The following CAB39L variants were observed in gnomAD, a reference collection of about 807,000 sequenced individuals.
CAB39L encodes the protein calcium binding protein 39 like.
In CAB39L, 23 loss-of-function variants were observed where a neutral mutation model predicts 39.1. The ratio of observed to expected loss-of-function variants is 0.59; its 90% CI spans 0.42 to 0.83. The LOEUF (loss-of-function observed/expected upper bound fraction) is 0.83, where lower values mean the gene tolerates loss of function less well. Among genes scored for constraint, CAB39L ranks in the 40% least tolerant of loss-of-function variants. The pLI is 0.00. For synonymous variants in CAB39L, 126 were observed against 137.2 expected, an observed-to-expected ratio of 0.92 and a Z score of 0.57; for missense variants, 366 against 391.9, an observed-to-expected ratio of 0.93 and a Z score of 0.56.
chr13:49,367,734 T>C (rs1189459841), intron 5 of CAB39L, among the ~76,000 whole-genome samples: 1 of 152,116 alleles, frequency 6.6e-6, no homozygotes, highest in African/African-American at 2.4e-5. Context: ...CTGGGCAACA[T>C]GGTGAAACCC....
chr13:49,397,703 T>C (rs1025319438), intron 3 of CAB39L, among the ~76,000 whole-genome samples: 4 of 152,116 alleles, frequency 2.6e-5, no homozygotes, highest in African/African-American at 9.6e-5. Flanking sequence ...TTTTCCACCT[T>C]TATTAGCTAT....
intron 9 of CAB39L, 114 bp from the exon 10 acceptor site, chr13:49,332,204 A>G: frequency 7.7e-7 from 1 of 1,291,834 alleles, no homozygotes; most frequent in Non-Finnish European, 1.1e-6. Flanking sequence ...TGGTGTTGTG[A>G]AAAAAATTAG....
At chr13:49,325,245 T>A (rs915770538) in intron 10 of CAB39L, among the ~76,000 whole-genome samples, 1 of 152,230 alleles carries the variant, frequency 6.6e-6, no homozygotes, top group African/African-American at 2.4e-5. Context: ...TTGTTAAATA[T>A]GCAAAAGGGT....
At chr13:49,356,113 G>A (rs1271181769) in intron 6 of CAB39L, among the ~76,000 whole-genome samples, 1 of 152,148 alleles carries the variant, frequency 6.6e-6, no homozygotes, top group Non-Finnish European at 1.5e-5. Flanking sequence ...TTAAGTTTAA[G>A]GTTGATGGGA....
chr13:49,331,802 A>C (rs975251690), intron 10 of CAB39L, 145 bp downstream of exon 10: 3 of 719,452 alleles, frequency 4.2e-6, no homozygotes, highest in Non-Finnish European at 6.8e-6. Flanking sequence ...ATAACTCTGA[A>C]ATTTCATCTA....
At chr13:49,414,568 A>T (rs1957048838) in intron 3 of CAB39L, among the ~76,000 whole-genome samples, 1 of 152,240 alleles carries the variant, frequency 6.6e-6, no homozygotes, top group Non-Finnish European at 1.5e-5. Context: ...AAAATATTTT[A>T]AGTGCCATAT....
intron 3 of CAB39L, 102 bp downstream of exon 3, chr13:49,433,216 A>G (rs1957353997): frequency 1.3e-5 from 4 of 307,886 alleles, no homozygotes; most frequent in African/African-American, 4.4e-5. Flanking sequence ...TAAATACAAT[A>G]TTATATTTAT....
chr13:49,329,564 T>A (rs1266453920), intron 10 of CAB39L, among the ~76,000 whole-genome samples: 4,175 of 37,718 alleles, frequency 0.11, 514 homozygotes, highest in African/African-American at 0.25. Flanking sequence ...TATATATATA[T>A]ATATATATAT....
In CAB39L at chr13:49,332,110, C is replaced by T. The variant is rs1017885417; in HGVS notation, c.691-20G>A. ...TAGCAGCTAGAGGAAAACACAAAAC[C>T]AAAGCTGTAATCTCAGAGCCACCTG... On this transcript the variant is annotated intron_variant, in intron 9 of 10. Coordinates refer to ENST00000409308, the MANE Select transcript of CAB39L (RefSeq NM_001079670.3). 1.8e-5 allele frequency: 29 copies of T among 1,609,822 alleles called. No individual in the cohort carries two copies. The highest frequency in any genetic ancestry group is 2.2e-5 in the Non-Finnish European group (26 of 1,177,318).
chr13:49,349,569 T>C (rs1175190738), intron 7 of CAB39L, among the ~76,000 whole-genome samples: 2 of 151,608 alleles, frequency 1.3e-5, no homozygotes, highest in African/African-American at 4.8e-5. Context: ...ATTTTTTGAA[T>C]TCCTCTTCTC....
chr13:49,393,804 T>G (rs1437565469), intron 3 of CAB39L, among the ~76,000 whole-genome samples: 8 of 151,948 alleles, frequency 5.3e-5, no homozygotes, highest in Non-Finnish European at 2.9e-5. Context: ...AAAATTTTTT[T>G]GGTATCTAAA....
chr13:49,405,719 G>GAGGA (rs548947401), intron 3 of CAB39L, among the ~76,000 whole-genome samples: 1,116 of 95,024 alleles, frequency 0.012, 34 homozygotes, highest in African/African-American at 0.027. Flanking sequence ...GAAAGAGAGA[G>GAGGA]AGGAAGGAAG....
intron 3 of CAB39L, among the ~76,000 whole-genome samples, chr13:49,400,475 C>T (rs1177069526): frequency 6.9e-6 from 1 of 144,348 alleles, no homozygotes; most frequent in Non-Finnish European, 1.5e-5. Context: ...CACACACACA[C>T]ACATGGTTAT....
intron 3 of CAB39L, among the ~76,000 whole-genome samples, chr13:49,395,992 C>T (rs1302949676): frequency 2.0e-5 from 3 of 151,508 alleles, no homozygotes; most frequent in South Asian, 2.1e-4. Flanking sequence ...AGGCCAGGTG[C>T]GGTAGCTCAC....
chr13:49,320,174 G>T (rs1357710774), intron 10 of CAB39L, among the ~76,000 whole-genome samples: 1 of 152,178 alleles, frequency 6.6e-6, no homozygotes, highest in Non-Finnish European at 1.5e-5. Flanking sequence ...ACACACTGAT[G>T]ATAAGAAACA....
At chr13:49,386,956 T>C (rs1956378781) in intron 3 of CAB39L, among the ~76,000 whole-genome samples, 1 of 152,108 alleles carries the variant, frequency 6.6e-6, no homozygotes, top group Non-Finnish European at 1.5e-5. Flanking sequence ...ATACATCTAC[T>C]CCAATCACAT....
At chr13:49,419,959 AG>A (rs1333146125) in intron 3 of CAB39L, among the ~76,000 whole-genome samples, 2 of 152,254 alleles carry the variant, frequency 1.3e-5, no homozygotes, top group Non-Finnish European at 2.9e-5. Flanking sequence ...AACAGTAAAT[AG>A]GATTAATTAA....
At chr13:49,406,049 TA>T (rs1287991911) in intron 3 of CAB39L, among the ~76,000 whole-genome samples, 2 of 151,844 alleles carry the variant, frequency 1.3e-5, no homozygotes, top group Admixed American at 6.6e-5. Context: ...GGGATGAGTA[TA>T]AAAATATAGT....
At chr13:49,402,715 C>T (rs919285823) in intron 3 of CAB39L, among the ~76,000 whole-genome samples, 6 of 151,914 alleles carry the variant, frequency 3.9e-5, no homozygotes, top group African/African-American at 7.2e-5. Flanking sequence ...CAGTAAAAGT[C>T]GGCCTTAAAA....
Sources: gnomAD v4.1 joint callset for allele counts (sites outside exome capture counted in the v4.1 genomes callset) on GRCh38, gnomAD v4.1.1 for gene constraint, MANE v1.5 for transcripts, NCBI Gene and HGNC (gene_info 2026-07-23, HGNC 2026-07-21) for gene names.